The following RARB variants were observed in gnomAD, a reference collection of about 807,000 sequenced individuals.
The protein encoded by RARB is HBV-activated protein.
A neutral mutation model predicts 51.9 loss-of-function variants in RARB; 17 were observed. The ratio of observed to expected loss-of-function variants is 0.33; its 90% confidence interval spans 0.22 to 0.49. The LOEUF (loss-of-function observed/expected upper bound fraction) is 0.49. Ranked by LOEUF, RARB falls within the 20% of genes least tolerant of loss-of-function variation. The probability of loss-of-function intolerance (pLI) is 0.99; values close to 1 mark genes in which losing one functional copy is unlikely to be tolerated. For missense variants in RARB, 369 were observed against 550.8 expected, an observed-to-expected ratio of 0.67 and a Z score of 3.30; for synonymous variants, 215 against 195.4, an observed-to-expected ratio of 1.10 and a Z score of -0.84.
intron 2 of RARB, among the ~76,000 whole-genome samples, chr3:24,965,974 G>GA (rs1319821005): frequency 1.3e-5 from 2 of 152,110 alleles, no homozygotes; most frequent in African/African-American, 2.4e-5. Flanking sequence ...TTTTGTATTA[G>GA]AAAAAATATG....
chr3:25,285,652 A>T (rs902908511), intron 5 of RARB, among the ~76,000 whole-genome samples: 9 of 152,200 alleles, frequency 5.9e-5, no homozygotes, highest in Non-Finnish European at 1.0e-4. Flanking sequence ...GTATTTCAGA[A>T]ACTTTTCAGG....
intron 5 of RARB, among the ~76,000 whole-genome samples, chr3:25,250,586 G>A (rs866206954): frequency 7.9e-5 from 12 of 152,088 alleles, no homozygotes; most frequent in South Asian, 2.1e-4. Flanking sequence ...CATGATTCAC[G>A]CCTGGTGGCA....
intron 5 of RARB, among the ~76,000 whole-genome samples, chr3:25,417,199 A>T (rs1036926303): frequency 2.2e-4 from 11 of 49,628 alleles, no homozygotes; most frequent in Admixed American, 1.3e-3. Context: ...AAAACCAATT[A>T]AAAAAAAAAA....
chr3:24,953,031 G>A (rs1333097395), intron 2 of RARB, among the ~76,000 whole-genome samples: 1 of 152,074 alleles, frequency 6.6e-6, no homozygotes, highest in Admixed American at 6.6e-5. Context: ...AAAACCCTTT[G>A]CTTGTTTAGT....
At chr3:25,362,813 C>T (rs1705990117) in intron 5 of RARB, among the ~76,000 whole-genome samples, 1 of 152,124 alleles carries the variant, frequency 6.6e-6, no homozygotes, top group Admixed American at 6.5e-5. Context: ...CACTGTCTAA[C>T]CAGTCCCAGT....
chr3:25,307,217 C>G (rs1704174191), intron 5 of RARB, among the ~76,000 whole-genome samples: 1 of 152,080 alleles, frequency 6.6e-6, no homozygotes, highest in South Asian at 2.1e-4. Flanking sequence ...GAAACCCCGT[C>G]TCTACTAAAA....
chr3:25,519,315 C>CAT (rs4021038), intron 3 of RARB, among the ~76,000 whole-genome samples: 29,306 of 152,010 alleles, frequency 0.19, 5,463 homozygotes, highest in African/African-American at 0.49. Context: ...CACAGGGACA[C>CAT]GTGTTTAATT....
chr3:25,443,697 T>C (rs2125532775), intron 1 of RARB, among the ~76,000 whole-genome samples: 1 of 151,888 alleles, frequency 6.6e-6, no homozygotes, highest in Non-Finnish European at 1.5e-5. Flanking sequence ...TTTGGGAGTC[T>C]AAGGTGGGCA....
chr3:25,155,732 A>G (rs1270674923), intron 4 of RARB, among the ~76,000 whole-genome samples: 2 of 152,078 alleles, frequency 1.3e-5, no homozygotes, highest in African/African-American at 4.8e-5. Context: ...TTTCCACATG[A>G]CTGTTGATGG....
chr3:25,347,404 G>C (rs971994756), intron 5 of RARB, among the ~76,000 whole-genome samples: 4 of 152,160 alleles, frequency 2.6e-5, no homozygotes, highest in African/African-American at 9.7e-5. Flanking sequence ...CCATCAAAAG[G>C]TAGTCATTGC....
At chr3:25,197,726 C>G (rs1483818615) in intron 5 of RARB, among the ~76,000 whole-genome samples, 2 of 151,182 alleles carry the variant, frequency 1.3e-5, no homozygotes, top group African/African-American at 4.9e-5. Context: ...AGGAGTAAAC[C>G]AAAGAAATGA....
chr3:25,403,639 G>A (rs1280551590), intron 5 of RARB, among the ~76,000 whole-genome samples: 1 of 151,900 alleles, frequency 6.6e-6, no homozygotes, highest in Non-Finnish European at 1.5e-5. Flanking sequence ...TCAGCTCTGC[G>A]ATATTATTTT....
intron 6 of RARB, among the ~76,000 whole-genome samples, chr3:25,594,312 C>A (rs544829494): frequency 5.3e-5 from 8 of 152,088 alleles, no homozygotes; most frequent in African/African-American, 9.7e-5. Context: ...AGCAACCAGG[C>A]ATCAAAATGT....
At chr3:24,898,915 C>T (rs188323052) in intron 2 of RARB, among the ~76,000 whole-genome samples, 1 of 152,280 alleles carries the variant, frequency 6.6e-6, no homozygotes, top group Admixed American at 6.5e-5. Flanking sequence ...TAACAGAGGG[C>T]TCTTCTCCAT....
intron 3 of RARB, among the ~76,000 whole-genome samples, chr3:25,075,489 C>G (rs1698853685): frequency 6.6e-6 from 1 of 152,108 alleles, no homozygotes; most frequent in Non-Finnish European, 1.5e-5. Context: ...CATGTCCCTA[C>G]TTGGATGTGC....
chr3:25,020,690 G>C lies in RARB; in HGVS notation c.-379-39435G>C, dbSNP rs114843883. On this transcript the variant is annotated intron_variant, in intron 2 of 11. Coordinates refer to the RARB transcript ENST00000383772. ...TTGAAGATCACCTTCAAAAGTAATA[G>C]AGCAGTGCTTATGTTGTGGAGATCA... is the stretch of plus-strand genomic sequence containing the variant. Among the ~76,000 whole-genome samples, 434 of 152,158 alleles carry C rather than the reference G, an allele frequency of 2.9e-3. 3 individuals carry two copies. The highest frequency in any genetic ancestry group is 0.01 in the African/African-American group (420 of 41,516).
At chr3:25,509,197 A>G (rs138720765) in intron 3 of RARB, among the ~76,000 whole-genome samples, 54 of 152,348 alleles carry the variant, frequency 3.5e-4, no homozygotes, top group African/African-American at 1.1e-3. Context: ...ACTTGGGCAC[A>G]TGGCAAAATT....
intron 5 of RARB, among the ~76,000 whole-genome samples, chr3:25,316,008 A>G (rs1185386889): frequency 6.6e-6 from 1 of 152,146 alleles, no homozygotes; most frequent in Non-Finnish European, 1.5e-5. Flanking sequence ...TCTGTCAGTC[A>G]CCTAGATCCA....
At chr3:25,341,555 T>C (rs953536154) in intron 5 of RARB, among the ~76,000 whole-genome samples, 1 of 152,156 alleles carries the variant, frequency 6.6e-6, no homozygotes, top group Admixed American at 6.6e-5. Flanking sequence ...TGGACAGGAA[T>C]TGATGACTTC....
Sources: gnomAD v4.1 joint callset for allele counts (sites outside exome capture counted in the v4.1 genomes callset) on GRCh38, gnomAD v4.1.1 for gene constraint, MANE v1.5 for transcripts, NCBI Gene and HGNC (gene_info 2026-07-23, HGNC 2026-07-21) for gene names.